Variants in DPP10 observed in about 807,000 individuals in gnomAD.
The protein encoded by DPP10 is inactive dipeptidyl peptidase 10.
Under a neutral mutation model 120.9 loss-of-function variants are expected in DPP10, and 33 were observed. That is an observed-to-expected ratio of 0.27 (90% CI 0.21 to 0.37). The LOEUF (loss-of-function observed/expected upper bound fraction) is 0.37, where lower values mean the gene tolerates loss of function less well. Among genes scored for constraint, DPP10 ranks in the 10% least tolerant of loss-of-function variants. The pLI is 1.00. For synonymous variants in DPP10, 337 were observed against 326.1 expected (o/e 1.03, Z -0.36); for missense variants, 816 against 942.8 (o/e 0.87, Z 1.76).
At chr2:115,809,607 G>T (rs1308495113) in intron 19 of DPP10, among the ~76,000 whole-genome samples, 1 of 151,972 alleles carries the variant, frequency 6.6e-6, no homozygotes, top group Non-Finnish European at 1.5e-5. Flanking sequence ...TGCAACCCTT[G>T]GTTCTCAAGG....
chr2:115,003,695 A>T (rs965226676), intron 1 of DPP10, among the ~76,000 whole-genome samples: 7 of 152,150 alleles, frequency 4.6e-5, no homozygotes, highest in Non-Finnish European at 8.8e-5. Context: ...TTCTCAAAAG[A>T]ACCACAAATT....
chr2:115,384,561 A>AGAG (rs1559521813), intron 3 of DPP10, among the ~76,000 whole-genome samples: 57 of 13,534 alleles, frequency 4.2e-3, no homozygotes, highest in South Asian at 0.012. Context: ...AAGAAGAGGA[A>AGAG]GAAGAAGAAG....
intron 1 of DPP10, among the ~76,000 whole-genome samples, chr2:115,125,619 T>C (rs911296070): frequency 1.4e-5 from 2 of 142,760 alleles, no homozygotes; most frequent in Non-Finnish European, 3.0e-5. Context: ...TCGCCCAGGC[T>C]GGAGTGCAGT....
chr2:114,918,152 CA>C (rs1401713262), intron 1 of DPP10, among the ~76,000 whole-genome samples: 2 of 152,154 alleles, frequency 1.3e-5, no homozygotes, highest in African/African-American at 4.8e-5. Flanking sequence ...CATGAATAGA[CA>C]CTTCCCAAAA....
intron 3 of DPP10, among the ~76,000 whole-genome samples, chr2:115,435,651 C>T (rs2071426983): frequency 1.3e-5 from 2 of 151,776 alleles, no homozygotes; most frequent in Non-Finnish European, 2.9e-5. Flanking sequence ...TGTTGGCTGG[C>T]TCTTTACTTT....
At chr2:115,599,621 C>T (rs1233878747) in intron 5 of DPP10, among the ~76,000 whole-genome samples, 1 of 152,128 alleles carries the variant, frequency 6.6e-6, no homozygotes, top group Non-Finnish European at 1.5e-5. Context: ...ATTCTAGCCT[C>T]TGCACCATCC....
chr2:115,621,775 G>A (rs1226449104), intron 5 of DPP10, among the ~76,000 whole-genome samples: 1 of 152,118 alleles, frequency 6.6e-6, no homozygotes, highest in Non-Finnish European at 1.5e-5. Context: ...CGCCTCCCAG[G>A]TTCAAGCAAT....
chr2:115,617,289 T>TATATATATATATATATACAC (rs67359999), intron 5 of DPP10, among the ~76,000 whole-genome samples: 2 of 136,530 alleles, frequency 1.5e-5, no homozygotes, highest in African/African-American at 2.7e-5. Context: ...TATATATATA[T>TATATATATATATATATACAC]ACACACATAG....
chr2:115,840,665 C>A, intron 24 of DPP10, 85 bp from the exon 25 acceptor site: 3 of 1,379,336 alleles, frequency 2.2e-6, no homozygotes, highest in Non-Finnish European at 3.0e-6. Flanking sequence ...TAAAATAAAA[C>A]ACTGAATCTC....
intron 4 of DPP10, among the ~76,000 whole-genome samples, chr2:115,507,948 C>T (rs1301118066): frequency 6.6e-6 from 1 of 151,902 alleles, no homozygotes; most frequent in African/African-American, 2.4e-5. Flanking sequence ...ATGGGTAGGG[C>T]TTTGTTGGTT....
chr2:115,372,873 A>G (rs1352063970), intron 3 of DPP10, among the ~76,000 whole-genome samples: 1 of 152,186 alleles, frequency 6.6e-6, no homozygotes, highest in East Asian at 1.9e-4. Flanking sequence ...TATGCCAATT[A>G]TTTAACTTGC....
chr2:114,808,495 A>G lies in DPP10; in HGVS notation c.60+365657A>G, dbSNP rs143979006. On this transcript the variant is annotated intron_variant, in intron 1 of 25. Transcript: ENST00000410059. ...CCAATTTACACTGCCCCCAAACATA[A>G]AAGTGGGAACACTCTTGCCAACACA... 5.5e-3 allele frequency among the ~76,000 whole-genome samples: 837 copies of G among 152,198 alleles called. 4 individuals carry two copies. Among genetic ancestry groups the G allele is most frequent in the African/African-American group, 0.018 (743 of 41,536 alleles).
rs376165128 is a variant in DPP10, at chr2:115,181,611, C to A, written c.61-127628C>A. On this transcript the variant is annotated intron_variant, in intron 1 of 25. Transcript: ENST00000410059. Reference sequence around the variant, plus strand: ...TATTCCAAGTACCGAGGGAAAAAAACCCCTGCAGATCTCTTAAGAATCAAC... The same window carrying A: ...TATTCCAAGTACCGAGGGAAAAAAAACCCTGCAGATCTCTTAAGAATCAAC... Among the ~76,000 whole-genome samples the A allele has an allele frequency of 1.3e-3, 195 of 152,286 alleles. 1 individual carries two copies. Among genetic ancestry groups the A allele is most frequent in the African/African-American group, 3.9e-3 (161 of 41,556 alleles).
At chr2:114,547,095 A>T (rs761873861) in intron 1 of DPP10, among the ~76,000 whole-genome samples, 2 of 152,250 alleles carry the variant, frequency 1.3e-5, no homozygotes, top group Non-Finnish European at 2.9e-5. Flanking sequence ...GTGCGGTAGC[A>T]CAAGGCCCCA....
chr2:115,478,142 G>A (rs964218818), intron 3 of DPP10, among the ~76,000 whole-genome samples: 3 of 152,054 alleles, frequency 2.0e-5, no homozygotes, highest in Admixed American at 6.6e-5. Context: ...TCCAACACTG[G>A]GGATTGCATT....
chr2:114,954,449 G>C (rs893377850), intron 1 of DPP10, among the ~76,000 whole-genome samples: 3 of 152,008 alleles, frequency 2.0e-5, no homozygotes, highest in Non-Finnish European at 2.9e-5. Context: ...AAAACTTATG[G>C]CATGGAGCAA....
chr2:114,684,223 T>C (rs1699223287), intron 1 of DPP10, among the ~76,000 whole-genome samples: 1 of 151,934 alleles, frequency 6.6e-6, no homozygotes, highest in South Asian at 2.1e-4. Context: ...CAAGTAGACC[T>C]TCCTGTGAGT....
intron 1 of DPP10, among the ~76,000 whole-genome samples, chr2:114,699,472 G>C (rs1016250470): frequency 9.9e-5 from 15 of 152,080 alleles, no homozygotes; most frequent in Non-Finnish European, 2.2e-4. Flanking sequence ...TGCAAACACT[G>C]TTATGGTAGA....
At chr2:114,565,225 C>T (rs979987122) in intron 1 of DPP10, among the ~76,000 whole-genome samples, 1 of 152,116 alleles carries the variant, frequency 6.6e-6, no homozygotes, top group South Asian at 2.1e-4. Flanking sequence ...AGCATTAGCT[C>T]TTGTATTTTC....
Sources: gnomAD v4.1 joint callset for allele counts (sites outside exome capture counted in the v4.1 genomes callset) on GRCh38, gnomAD v4.1.1 for gene constraint, MANE v1.5 for transcripts, NCBI Gene and HGNC (gene_info 2026-07-23, HGNC 2026-07-21) for gene names.